SDK1: variants seen among roughly 807,000 people sequenced by gnomAD.
SDK1 encodes the protein sidekick cell adhesion molecule 1, also known as protein sidekick-1.
In SDK1, 157 loss-of-function variants were observed where a neutral mutation model predicts 245.5. That is an observed-to-expected ratio of 0.64 (90% CI 0.56 to 0.73). The LOEUF (loss-of-function observed/expected upper bound fraction) is 0.73. SDK1 is among the 30% of genes least tolerant of loss of function. The pLI, the probability that SDK1 is intolerant of heterozygous loss-of-function variation, is 0.00. For synonymous variants in SDK1, 1,647 were observed against 1,278.5 expected (o/e 1.29, Z -6.15); for missense variants, 3,583 against 3,002.3 (o/e 1.19, Z -4.52).
At chr7:4,171,507 A>G (rs1781836212) in intron 32 of SDK1, among the ~76,000 whole-genome samples, 7 of 152,106 alleles carry the variant, frequency 4.6e-5, no homozygotes. Flanking sequence ...AAATCAAGAG[A>G]GCCTCATTTG....
chr7:3,756,272 G>C (rs1410394246), intron 4 of SDK1, among the ~76,000 whole-genome samples: 1 of 149,394 alleles, frequency 6.7e-6, no homozygotes, highest in East Asian at 2.0e-4. Flanking sequence ...TAGCACGTGT[G>C]ACACATGCAT....
chr7:3,794,993 CTG>C (rs1440448625), intron 4 of SDK1, among the ~76,000 whole-genome samples: 1 of 152,136 alleles, frequency 6.6e-6, no homozygotes, highest in Non-Finnish European at 1.5e-5. Context: ...AGGACGAACT[CTG>C]TGCCAGGCAC....
intron 2 of SDK1, among the ~76,000 whole-genome samples, chr7:3,626,867 GA>G (rs970760963): frequency 6.6e-6 from 1 of 151,610 alleles, no homozygotes; most frequent in Non-Finnish European, 1.5e-5. Context: ...CTAAAGTTGG[GA>G]AAAAAACAAA....
At chr7:3,973,518 T>C (rs978625212) in intron 12 of SDK1, among the ~76,000 whole-genome samples, 8 of 152,196 alleles carry the variant, frequency 5.3e-5, no homozygotes, top group South Asian at 2.1e-4. Flanking sequence ...AATGCAATTT[T>C]AAGGACCATC....
At chr7:4,043,043 A>G (rs1408307208) in intron 17 of SDK1, among the ~76,000 whole-genome samples, 1 of 152,188 alleles carries the variant, frequency 6.6e-6, no homozygotes, top group African/African-American at 2.4e-5. Context: ...TGACTGGGGA[A>G]GGAGAGTGTG....
At chr7:3,997,420 A>G (rs911967021) in intron 14 of SDK1, among the ~76,000 whole-genome samples, 1 of 152,040 alleles carries the variant, frequency 6.6e-6, no homozygotes, top group African/African-American at 2.4e-5. Flanking sequence ...GGTGTGTTAT[A>G]TACACCTCTG....
At chr7:4,221,896 T>C (rs772668464) in intron 40 of SDK1, among the ~76,000 whole-genome samples, 16 of 152,232 alleles carry the variant, frequency 1.1e-4, no homozygotes, top group Admixed American at 2.6e-4. Flanking sequence ...TCCTTCCATT[T>C]GCCTTTAATA....
intron 14 of SDK1, among the ~76,000 whole-genome samples, chr7:3,991,002 G>A (rs116129773): frequency 2.6e-5 from 4 of 152,360 alleles, no homozygotes; most frequent in East Asian, 3.9e-4. Context: ...ACTCTGCTGG[G>A]TGCTGGGTGC....
chr7:3,705,486 A>AGC (rs1784860063), intron 4 of SDK1, among the ~76,000 whole-genome samples: 2 of 115,276 alleles, frequency 1.7e-5, no homozygotes, highest in African/African-American at 8.5e-5. Flanking sequence ...ATTTTATTTT[A>AGC]TTTTATTTTT....
intron 1 of SDK1, among the ~76,000 whole-genome samples, chr7:3,391,972 T>C (rs914878649): frequency 1.1e-4 from 17 of 149,622 alleles, no homozygotes; most frequent in African/African-American, 4.0e-4. Context: ...ATGTAATATA[T>C]ATATATATAT....
intron 5 of SDK1, among the ~76,000 whole-genome samples, chr7:3,903,213 G>A (rs986378364): frequency 4.0e-5 from 6 of 149,254 alleles, no homozygotes; most frequent in Non-Finnish European, 5.9e-5. Context: ...GTGTAATCTC[G>A]GCTCACTGCA....
chr7:3,512,317 G>C (rs1187243517), intron 1 of SDK1, among the ~76,000 whole-genome samples: 1 of 152,088 alleles, frequency 6.6e-6, no homozygotes, highest in Admixed American at 6.6e-5. Context: ...TTTCAGTGCT[G>C]AGTAATATTC....
At chr7:3,450,766 C>T (rs1039977987) in intron 1 of SDK1, among the ~76,000 whole-genome samples, 1 of 151,808 alleles carries the variant, frequency 6.6e-6, no homozygotes, top group African/African-American at 2.4e-5. Flanking sequence ...GTATTTTAGT[C>T]ATGGGAGTAT....
chr7:4,028,434 A>G (rs1347907115), intron 17 of SDK1, among the ~76,000 whole-genome samples: 1 of 152,234 alleles, frequency 6.6e-6, no homozygotes, highest in African/African-American at 2.4e-5. Flanking sequence ...TGTGCAGGCA[A>G]ATCTCTCAGA....
chr7:4,088,962 C>A (rs1485335286), intron 22 of SDK1, among the ~76,000 whole-genome samples: 1 of 150,656 alleles, frequency 6.6e-6, no homozygotes, highest in African/African-American at 2.4e-5. Flanking sequence ...CACAATGAGG[C>A]CCCTCAGAGG....
At chr7:3,567,703 G>C (rs1392770220) in intron 1 of SDK1, among the ~76,000 whole-genome samples, 2 of 152,156 alleles carry the variant, frequency 1.3e-5, no homozygotes, top group Non-Finnish European at 2.9e-5. Context: ...GGTTTTCTTT[G>C]GTTCTTTTTT....
chr7:3,482,651 G>A (rs182621353), intron 1 of SDK1, among the ~76,000 whole-genome samples: 344 of 152,258 alleles, frequency 2.3e-3, no homozygotes, highest in African/African-American at 8.1e-3. Flanking sequence ...TACTGGGGAG[G>A]TCCAAAACAA....
chr7:3,677,991 A>G (rs1658451899), intron 4 of SDK1, among the ~76,000 whole-genome samples: 1 of 152,256 alleles, frequency 6.6e-6, no homozygotes, highest in African/African-American at 2.4e-5. Flanking sequence ...ACAAAAGGTC[A>G]GTAGGCTCAT....
At chr7:3,536,346 G>A (rs1043673229) in intron 1 of SDK1, among the ~76,000 whole-genome samples, 2 of 152,022 alleles carry the variant, frequency 1.3e-5, no homozygotes, top group African/African-American at 4.8e-5. Context: ...GATTATAGGT[G>A]TGAACTGCTG....
Sources: gnomAD v4.1 joint callset for allele counts (sites outside exome capture counted in the v4.1 genomes callset) on GRCh38, gnomAD v4.1.1 for gene constraint, MANE v1.5 for transcripts, NCBI Gene and HGNC (gene_info 2026-07-23, HGNC 2026-07-21) for gene names.